Variants in HECTD2 observed in about 807,000 individuals in gnomAD.
HECTD2 encodes the protein HECT domain E3 ubiquitin protein ligase 2.
Under a neutral mutation model 103.2 loss-of-function variants are expected in HECTD2, and 35 were observed. That is an observed-to-expected ratio of 0.34 (90% CI 0.26 to 0.45). HECTD2 has a LOEUF of 0.45. HECTD2 is among the 20% of genes least tolerant of loss of function. The probability of loss-of-function intolerance (pLI) is 1.00; values close to 1 mark genes in which losing one functional copy is unlikely to be tolerated. For synonymous variants in HECTD2, 281 were observed against 329.9 expected, an observed-to-expected ratio of 0.85 and a Z score of 1.61; for missense variants, 596 against 937.4, an observed-to-expected ratio of 0.64 and a Z score of 4.76.
intron 1 of HECTD2, among the ~76,000 whole-genome samples, chr10:91,417,579 T>C (rs1420966526): frequency 1.3e-5 from 2 of 150,308 alleles, no homozygotes; most frequent in Non-Finnish European, 3.0e-5. Flanking sequence ...TGTGTTCTCA[T>C]TGTTCAGTTC....
At chr10:91,489,894 G>A (rs1263324365) in intron 11 of HECTD2, 1 of 152,066 alleles carries the variant, frequency 6.6e-6, no homozygotes, top group African/African-American at 2.4e-5. Flanking sequence ...TAAAATGTCT[G>A]AAATGTTTAT....
intron 7 of HECTD2, among the ~76,000 whole-genome samples, chr10:91,481,868 CAAT>C (rs1234329414): frequency 6.6e-6 from 1 of 150,710 alleles, no homozygotes; most frequent in Non-Finnish European, 1.5e-5. Flanking sequence ...GTGTTTAGTA[CAAT>C]ATTATGATAT....
At chr10:91,428,540 T>C (rs995368866) in intron 2 of HECTD2, among the ~76,000 whole-genome samples, 9 of 152,198 alleles carry the variant, frequency 5.9e-5, no homozygotes, top group Non-Finnish European at 1.3e-4. Context: ...GTTTATATCC[T>C]CTTTTATTTC....
Position 91,496,463 on chromosome 10 carries a change from T to C in HECTD2, c.1680+91T>C, listed in dbSNP as rs1245634080. The C allele has an allele frequency of 4.6e-6, 4 of 869,356 alleles. No individual in the cohort carries two copies. In the African/African-American group the frequency reaches 6.9e-5, roughly 15 times the overall value. 53.9% of individuals were successfully genotyped at this position (869,356 alleles called of 1,614,324 possible). On this transcript the variant is annotated intron_variant, in intron 15 of 20. Transcript: ENST00000298068. ...CTCTCCTCCTAATGCTATTCTTACT[T>C]TTAAATATGGTTTCCTTCTACCTTT...
At chr10:91,510,370 A>AAGAT (rs1384765343) in intron 20 of HECTD2, among the ~76,000 whole-genome samples, 1 of 152,230 alleles carries the variant, frequency 6.6e-6, no homozygotes, top group Non-Finnish European at 1.5e-5. Context: ...TCAGGCTTAA[A>AAGAT]AGATATACAT....
intron 2 of HECTD2, among the ~76,000 whole-genome samples, chr10:91,454,936 A>G (rs1230008859): frequency 6.6e-6 from 1 of 152,126 alleles, no homozygotes; most frequent in African/African-American, 2.4e-5. Flanking sequence ...TCCATGGTGT[A>G]TATGTGCCAC....
At chr10:91,437,619 C>CTTTTTTTTTTTTTTTTTTTTT (rs59785873) in intron 2 of HECTD2, among the ~76,000 whole-genome samples, 1 of 87,404 alleles carries the variant, frequency 1.1e-5, no homozygotes, top group Non-Finnish European at 2.7e-5. Context: ...GATGGTTGTT[C>CTTTTTTTTTTTTTTTTTTTTT]TTTTTTTTTT....
intron 1 of HECTD2, among the ~76,000 whole-genome samples, chr10:91,413,231 G>GT (rs1431544935): frequency 1.3e-5 from 2 of 152,162 alleles, no homozygotes; most frequent in Admixed American, 1.3e-4. Flanking sequence ...GAGTTAGGCT[G>GT]TATCCTTTAT....
At chr10:91,502,258 G>C (rs1016082847) in intron 20 of HECTD2, among the ~76,000 whole-genome samples, 1 of 152,142 alleles carries the variant, frequency 6.6e-6, no homozygotes, top group Non-Finnish European at 1.5e-5. Flanking sequence ...TCAACAGGCT[G>C]TTTGCTGGTT....
chr10:91,454,470 AT>A (rs1292962048), intron 2 of HECTD2, among the ~76,000 whole-genome samples: 2 of 152,140 alleles, frequency 1.3e-5, no homozygotes, highest in East Asian at 1.9e-4. Flanking sequence ...TGGAATGAAA[AT>A]AAAAACGTAA....
chr10:91,509,911 G>A (rs1251061558), intron 20 of HECTD2, among the ~76,000 whole-genome samples: 2 of 152,092 alleles, frequency 1.3e-5, no homozygotes, highest in Non-Finnish European at 2.9e-5. Context: ...ACCTGCACAT[G>A]TACCCCTGAA....
intron 14 of HECTD2, among the ~76,000 whole-genome samples, chr10:91,495,681 A>T (rs1367948075): frequency 6.6e-6 from 1 of 152,062 alleles, no homozygotes; most frequent in Non-Finnish European, 1.5e-5. Flanking sequence ...TAAGTCTTTC[A>T]AGTTTTACTG....
At chr10:91,485,650 T>C (rs1173728236) in intron 10 of HECTD2, 2 of 167,004 alleles carry the variant, frequency 1.2e-5, no homozygotes, top group East Asian at 1.8e-4. Flanking sequence ...CACTATAGGT[T>C]ACACAGGTTC....
At chr10:91,410,640 G>A in intron 1 of HECTD2, 64 bp downstream of exon 1, 5 of 1,303,264 alleles carry the variant, frequency 3.8e-6, no homozygotes, top group Non-Finnish European at 3.9e-6. Flanking sequence ...ACGGCGGCCG[G>A]GCGAGGGCCG....
intron 6 of HECTD2, among the ~76,000 whole-genome samples, chr10:91,480,041 C>G (rs1173018635): frequency 6.6e-6 from 1 of 151,866 alleles, no homozygotes; most frequent in East Asian, 1.9e-4. Context: ...ATTATATTTT[C>G]CTATATCTCA....
chr10:91,506,973 C>T (rs1248882868), intron 20 of HECTD2, among the ~76,000 whole-genome samples: 39 of 151,428 alleles, frequency 2.6e-4, no homozygotes, highest in South Asian at 1.3e-3. Context: ...GTTCAATATA[C>T]GCAAATCAAT....
At chr10:91,425,058 T>C (rs1843503954) in intron 1 of HECTD2, among the ~76,000 whole-genome samples, 1 of 152,090 alleles carries the variant, frequency 6.6e-6, no homozygotes, top group Non-Finnish European at 1.5e-5. Flanking sequence ...ACTGTTGTTA[T>C]TCCCATTTCC....
At chr10:91,505,838 C>T (rs1378259598) in intron 20 of HECTD2, among the ~76,000 whole-genome samples, 1 of 151,758 alleles carries the variant, frequency 6.6e-6, no homozygotes, top group African/African-American at 2.4e-5. Context: ...CAGCACCACA[C>T]CACACCTATT....
chr10:91,413,334 C>T (rs536448547), intron 1 of HECTD2, among the ~76,000 whole-genome samples: 7 of 152,204 alleles, frequency 4.6e-5, no homozygotes, highest in African/African-American at 1.7e-4. Context: ...TGAAGGAAGT[C>T]CATTCCAGCT....
Sources: allele counts gnomAD v4.1 joint callset (sites outside exome capture counted in the v4.1 genomes callset), GRCh38; gene constraint gnomAD v4.1.1; transcripts MANE v1.5; gene names NCBI Gene and HGNC (gene_info 2026-07-23, HGNC 2026-07-21).